RC3H2: variants seen among roughly 807,000 people sequenced by gnomAD.
RC3H2 encodes ring finger and CCCH-type domains 2.
A neutral mutation model predicts 133.3 loss-of-function variants in RC3H2; 31 were observed. The observed-to-expected ratio is 0.23, with a 90% confidence interval of 0.17 to 0.31. The LOEUF (loss-of-function observed/expected upper bound fraction) is 0.31, where lower values mean the gene tolerates loss of function less well. RC3H2 is among the 10% of genes least tolerant of loss of function. RC3H2 has a pLI of 1.00. For missense variants in RC3H2, 1,175 were observed against 1,437.2 expected, an observed-to-expected ratio of 0.82 and a Z score of 2.95; for synonymous variants, 517 against 502.2, an observed-to-expected ratio of 1.03 and a Z score of -0.40.
intron 4 of RC3H2, 38 bp downstream of exon 4, chr9:122,890,274 A>G (rs1023792226): frequency 1.8e-5 from 28 of 1,548,820 alleles, no homozygotes; most frequent in East Asian, 2.3e-5. Flanking sequence ...TCAAGCCCCA[A>G]TAGCTAATAA....
Position 122,858,701 on chromosome 9 carries a change from T to G in RC3H2, c.2251A>C (p.Ser751Arg), listed in dbSNP as rs746707331. Residue 751 changes from serine to arginine, a missense_variant, in exon 12 of 21, where the codon AGT (serine) becomes CGT (arginine). Physicochemically the swap from Ser to Arg is moderately radical, Grantham distance 110. Around this residue, in one of 8 missense-constraint regions of RC3H2, gnomAD observed 490 missense variants for 492.8 expected, o/e 0.99. Transcript: ENST00000357244. The stretch of plus-strand genomic sequence containing the variant: ...AAAGGCACAGTTGTCCTTGGCTCAC[T>G]TGGTGGCTGACAAGCCACCGAATAA... ...GYYSVACQPPSEPRTTVPLPR... is the reference protein window; with the variant it reads ...GYYSVACQPPREPRTTVPLPR... 1 of 1,612,428 alleles carries G rather than the reference T, an allele frequency of 6.2e-7. No homozygotes were observed. Among genetic ancestry groups the G allele is most frequent in the Admixed American group, 1.7e-5 (1 of 60,028 alleles).
intron 10 of RC3H2, 50 bp from the exon 11 acceptor site, chr9:122,860,181 T>TG (rs1290691994): frequency 1.6e-5 from 21 of 1,337,196 alleles, no homozygotes; most frequent in Non-Finnish European, 2.2e-5. Context: ...TGTCTATGAC[T>TG]GTCCTCCTTA....
rs1831543909 is a variant in RC3H2 at position 122,880,025 on chromosome 9, A to G, written c.1061T>C (p.Leu354Ser). ...PANLNRLRPH[L>S]ELLANIDPNP... ...AGGGTCTATGTTTGCAAGAAGCTCT[A>G]AATGAGGCCTCAGTCTATTTAAGTT... The change falls in exon 7 of 21, where the codon TTA (leucine) becomes TCA (serine). Residue 354 changes from leucine to serine, a missense_variant. By Grantham distance (145) the Leu-to-Ser change is moderately radical. This residue lies in a region of RC3H2 where 131 missense variants were observed against 154.2 expected (regional missense o/e 0.85). Transcript: ENST00000357244. 2 of 1,614,102 alleles carry G rather than the reference A, an allele frequency of 1.2e-6. No homozygotes were observed. The highest frequency in any genetic ancestry group is 2.2e-5 in the South Asian group (2 of 91,092).
chr9:122,879,260 G>T (rs979048938), intron 8 of RC3H2, among the ~76,000 whole-genome samples: 2 of 151,876 alleles, frequency 1.3e-5, no homozygotes, highest in African/African-American at 4.8e-5. Flanking sequence ...AGGGCGTGGT[G>T]GCACTTGCCT....
intron 1 of RC3H2, among the ~76,000 whole-genome samples, chr9:122,901,739 G>A (rs1434982961): frequency 2.0e-5 from 3 of 150,512 alleles, no homozygotes; most frequent in African/African-American, 7.3e-5. Flanking sequence ...TTACAAGTGC[G>A]CACCACCATG....
chr9:122,861,490 CAAAAAAAAAAA>C (rs1197442646), intron 10 of RC3H2, among the ~76,000 whole-genome samples: 1 of 55,644 alleles, frequency 1.8e-5, no homozygotes, highest in African/African-American at 5.5e-5. Flanking sequence ...AACTCCGTCT[CAAAAAAAAAAA>C]AAAAAAAAGA....
Position 122,857,350 on chromosome 9 carries a change from A to G in RC3H2, c.2454+573T>C, listed in dbSNP as rs937540410. 4.6e-5 allele frequency among the ~76,000 whole-genome samples: 7 copies of G among 152,376 alleles called. No individual in the cohort carries two copies. The South Asian group carries it at 1.4e-3, about 32-fold the overall frequency. ...TTAAATTAAAATCATCCTGGTACAC[A>G]AACTTGTTTGGTAATGCCAAGAACA... On this transcript the variant is annotated intron_variant, in intron 13 of 20. Coordinates refer to ENST00000357244, the MANE Select transcript of RC3H2 (RefSeq NM_001100588.3).
chr9:122,850,817 AT>A (rs1322071703), intron 20 of RC3H2, among the ~76,000 whole-genome samples: 1 of 152,194 alleles, frequency 6.6e-6, no homozygotes, highest in Non-Finnish European at 1.5e-5. Context: ...TAGTCTAGAA[AT>A]TTGGCAACCA....
In RC3H2 at chr9:122,861,485, C is replaced by T. The variant is rs370067149; in HGVS notation, c.1635-1354G>A. ...AGCCCAGGCAACAAGAGCGAAACTCCGTCTCAAAAAAAAAAAAAAAAAAAG... is the reference window on the plus strand; with the variant it reads ...AGCCCAGGCAACAAGAGCGAAACTCTGTCTCAAAAAAAAAAAAAAAAAAAG... On this transcript the variant is annotated intron_variant, in intron 10 of 20. Coordinates refer to ENST00000357244, the MANE Select transcript of RC3H2 (RefSeq NM_001100588.3). Among the ~76,000 whole-genome samples, 40 of 121,782 alleles carry T rather than the reference C, an allele frequency of 3.3e-4. No individual in the cohort carries two copies. In the East Asian group the frequency reaches 7.1e-3, roughly 21 times the overall value. 79.9% of individuals were successfully genotyped at this position (121,782 alleles called of 152,430 possible). A position where few individuals can be genotyped will look rare whatever the true frequency, so the allele number is the denominator to read the frequency against.
rs777750839 is a variant in RC3H2 at position 122,858,650 on chromosome 9, T to C, written c.2283+19A>G. ...CACTGGGCTGTTAATGACTACATTA[T>C]AGTAGCATCTTCACTTACCCTTGGT... On this transcript the variant is annotated intron_variant, in intron 12 of 20. Transcript: ENST00000357244. 49 of 1,594,430 alleles carry C rather than the reference T, an allele frequency of 3.1e-5. No homozygotes were observed. Among genetic ancestry groups the C allele is most frequent in the Non-Finnish European group, 3.8e-5 (44 of 1,173,088 alleles).
chr9:122,889,064 G>A (rs912989153), intron 4 of RC3H2, among the ~76,000 whole-genome samples: 1 of 151,898 alleles, frequency 6.6e-6, no homozygotes, highest in African/African-American at 2.4e-5. Flanking sequence ...GTTGGTTGTT[G>A]GTCTTTTTCT....
At chr9:122,905,017 G>A in intron 1 of RC3H2, 93 bp downstream of exon 1, 2 of 879,212 alleles carry the variant, frequency 2.3e-6, no homozygotes, top group Non-Finnish European at 2.7e-6. Context: ...ACAGCGCACA[G>A]GCCCCAGGGC....
intron 3 of RC3H2, among the ~76,000 whole-genome samples, chr9:122,892,040 A>G (rs776114386): frequency 6.6e-6 from 1 of 152,226 alleles, no homozygotes; most frequent in Non-Finnish European, 1.5e-5. Context: ...ATCAAAACTA[A>G]TATTCTGTTA....
rs200856968 is a variant in RC3H2 at position 122,892,881 on chromosome 9, T to C, written c.349+28A>G. 1.6e-4 allele frequency: 255 copies of C among 1,547,682 alleles called. 1 individual carries two copies. The East Asian group carries it at 4.5e-3, about 28-fold the overall frequency. Reference sequence around the variant, plus strand: ...TAAATGTACTACCAAGTCCTACTTATCAGTAAAAATGCATTTTATGAACTT... The same window carrying C: ...TAAATGTACTACCAAGTCCTACTTACCAGTAAAAATGCATTTTATGAACTT... On this transcript the variant is annotated intron_variant, in intron 3 of 20. Coordinates refer to ENST00000357244, the MANE Select transcript of RC3H2 (RefSeq NM_001100588.3).
intron 20 of RC3H2, among the ~76,000 whole-genome samples, chr9:122,850,517 C>G (rs1829982252): frequency 6.6e-6 from 1 of 151,596 alleles, no homozygotes; most frequent in Non-Finnish European, 1.5e-5. Flanking sequence ...ACGATCTTGG[C>G]TCACTGTCTC....
chr9:122,850,075 C>T (rs1014852007), intron 20 of RC3H2, among the ~76,000 whole-genome samples: 1 of 151,852 alleles, frequency 6.6e-6, no homozygotes, highest in Non-Finnish European at 1.5e-5. Flanking sequence ...CTCCTGGATT[C>T]AAGCAATTCT....
chr9:122,861,706 T>C (rs1444913555), intron 10 of RC3H2, among the ~76,000 whole-genome samples: 3 of 152,104 alleles, frequency 2.0e-5, no homozygotes, highest in Admixed American at 2.0e-4. Flanking sequence ...GAGGGTTTTT[T>C]CCTCAAATTA....
intron 1 of RC3H2, among the ~76,000 whole-genome samples, chr9:122,899,293 T>C (rs966917320): frequency 3.3e-4 from 50 of 152,018 alleles, no homozygotes; most frequent in Non-Finnish European, 1.5e-4. Context: ...TTTCTCCATG[T>C]TGGCCAGGCT....
chr9:122,855,341 C>T lies in RC3H2; in HGVS notation c.2658G>A (p.Arg886=), dbSNP rs1830202329. Residue 886 remains arginine (R), a synonymous_variant, in exon 15 of 21, where the codon AGG becomes AGA. Transcript: ENST00000357244. ...RRVHLFETQR[R]TKEEDPIIPF... is the part of the protein sequence containing the mutation. ...GAATTATTGGATCTTCTTCTTTTGT[C>T]CTTCTCTGGGTTTCAAATAAATGTA... 1 of 1,613,884 alleles carries T rather than the reference C, an allele frequency of 6.2e-7. No homozygotes were observed.
Sources: gnomAD v4.1 joint callset for allele counts (sites outside exome capture counted in the v4.1 genomes callset) on GRCh38, gnomAD v4.1.1 for gene constraint, gnomAD v4.1.1 regional missense constraint, MANE v1.5 for transcripts, NCBI Gene and HGNC (gene_info 2026-07-23, HGNC 2026-07-21) for gene names.